AMBRA1: variants seen among roughly 807,000 people sequenced by gnomAD.
AMBRA1 encodes the protein activating molecule in BECN1-regulated autophagy protein 1.
AMBRA1 carries 47 observed loss-of-function variants against 125.4 expected under a neutral mutation model. The observed-to-expected ratio is 0.37, with a 90% CI of 0.30 to 0.48. The LOEUF (loss-of-function observed/expected upper bound fraction) is 0.48. AMBRA1 is among the 20% of genes least tolerant of loss of function. The pLI, the probability that AMBRA1 is intolerant of heterozygous loss-of-function variation, is 0.99. For synonymous variants in AMBRA1, 626 were observed against 655.5 expected (o/e 0.95, Z 0.69); for missense variants, 1,331 against 1,693.4 (o/e 0.79, Z 3.76).
At chr11:46,440,971 A>G (rs1485309104) in intron 12 of AMBRA1, among the ~76,000 whole-genome samples, 3 of 152,206 alleles carry the variant, frequency 2.0e-5, no homozygotes, top group African/African-American at 7.2e-5. Flanking sequence ...TTCATAAACC[A>G]AAATCAACAC....
intron 7 of AMBRA1, among the ~76,000 whole-genome samples, chr11:46,529,242 G>T (rs2135123192): frequency 6.6e-6 from 1 of 152,312 alleles, no homozygotes; most frequent in Non-Finnish European, 1.5e-5. Flanking sequence ...GCATAATCTG[G>T]CGTAATGGAG....
intron 1 of AMBRA1, among the ~76,000 whole-genome samples, chr11:46,569,570 A>G (rs888154289): frequency 2.0e-5 from 3 of 151,870 alleles, no homozygotes; most frequent in Non-Finnish European, 2.9e-5. Flanking sequence ...ATATTCAGTG[A>G]GAGTAGAGTC....
At chr11:46,550,524 T>A (rs1400365840) in intron 1 of AMBRA1, among the ~76,000 whole-genome samples, 1 of 152,222 alleles carries the variant, frequency 6.6e-6, no homozygotes, top group Non-Finnish European at 1.5e-5. Flanking sequence ...TTTTACTTAA[T>A]GGGTTAGCAT....
At chr11:46,468,483 C>T (rs193108892) in intron 11 of AMBRA1, among the ~76,000 whole-genome samples, 3 of 152,104 alleles carry the variant, frequency 2.0e-5, no homozygotes, top group African/African-American at 7.2e-5. Context: ...CTCCTAGTAG[C>T]ACAAGCATCA....
chr11:46,533,070 C>T (rs780418999), intron 7 of AMBRA1, among the ~76,000 whole-genome samples: 2 of 151,520 alleles, frequency 1.3e-5, no homozygotes, highest in African/African-American at 2.4e-5. Context: ...GGCTGAGGCA[C>T]GAGAATCGCT....
chr11:46,453,964 A>T (rs1402381131), intron 11 of AMBRA1, among the ~76,000 whole-genome samples: 2 of 152,228 alleles, frequency 1.3e-5, no homozygotes, highest in African/African-American at 2.4e-5. Context: ...AGGCCCCCAA[A>T]TAAACATAAT....
intron 15 of AMBRA1, among the ~76,000 whole-genome samples, chr11:46,412,714 A>G (rs1946353194): frequency 6.6e-6 from 1 of 152,150 alleles, no homozygotes; most frequent in Non-Finnish European, 1.5e-5. Flanking sequence ...CCTCTTCTAA[A>G]CAGCCATTTT....
chr11:46,559,187 C>A (rs2043251580), intron 1 of AMBRA1, among the ~76,000 whole-genome samples: 1 of 151,976 alleles, frequency 6.6e-6, no homozygotes. Context: ...GTAATCCCAG[C>A]TACTCGGGAG....
At chr11:46,487,811 A>G (rs545204044) in intron 11 of AMBRA1, among the ~76,000 whole-genome samples, 165 of 152,300 alleles carry the variant, frequency 1.1e-3, no homozygotes, top group African/African-American at 3.6e-3. Context: ...CAAAAACCCA[A>G]CTATATCAAT....
At chr11:46,491,149 A>G (rs902535181) in intron 11 of AMBRA1, 1 of 152,252 alleles carries the variant, frequency 6.6e-6, no homozygotes, top group Non-Finnish European at 1.5e-5. Context: ...TTTAAATAGA[A>G]TAATTAAAAC....
intron 14 of AMBRA1, among the ~76,000 whole-genome samples, chr11:46,430,683 C>T (rs996341162): frequency 5.3e-5 from 8 of 152,152 alleles, no homozygotes; most frequent in Non-Finnish European, 1.2e-4. Context: ...TAAAATAAAT[C>T]AATGCTCTGG....
At chr11:46,425,788 G>A (rs573592069) in intron 14 of AMBRA1, among the ~76,000 whole-genome samples, 6 of 151,318 alleles carry the variant, frequency 4.0e-5, no homozygotes, top group East Asian at 2.0e-4. Flanking sequence ...GCAGTGAGCC[G>A]AGATCGTGCC....
chr11:46,498,037 G>A (rs1367350144), intron 9 of AMBRA1, among the ~76,000 whole-genome samples: 1 of 152,150 alleles, frequency 6.6e-6, no homozygotes, highest in Non-Finnish European at 1.5e-5. Flanking sequence ...TCACTTCCGT[G>A]CTGATACAAG....
chr11:46,473,710 G>A lies in AMBRA1; in HGVS notation c.2521+19898C>T, dbSNP rs891156753. On this transcript the variant is annotated intron_variant, in intron 11 of 17. Transcript: ENST00000683756. ...ACTGTCGCCCAGGCTGAGTGCAGTG[G>A]TGTGATCTCAGCTCACTGCAAGCTC... 2.1e-4 allele frequency among the ~76,000 whole-genome samples: 32 copies of A among 152,246 alleles called. 1 individual carries two copies. Among genetic ancestry groups the A allele is most frequent in the Admixed American group, 1.9e-3 (29 of 15,288 alleles).
chr11:46,565,225 T>TC (rs1383307142), intron 1 of AMBRA1, among the ~76,000 whole-genome samples: 2 of 151,342 alleles, frequency 1.3e-5, no homozygotes, highest in African/African-American at 4.9e-5. Flanking sequence ...GCCATTGCAC[T>TC]CCAAGCCTGG....
intron 1 of AMBRA1, among the ~76,000 whole-genome samples, chr11:46,576,096 C>G (rs975955908): frequency 1.2e-4 from 18 of 152,016 alleles, no homozygotes; most frequent in African/African-American, 4.3e-4. Flanking sequence ...CAGGAAGAAT[C>G]ATAACAGTAG....
intron 14 of AMBRA1, among the ~76,000 whole-genome samples, chr11:46,430,670 T>C (rs1005897384): frequency 2.0e-5 from 3 of 152,200 alleles, no homozygotes; most frequent in Non-Finnish European, 2.9e-5. Context: ...CTTAGTGCCA[T>C]CTTAAAATAA....
At chr11:46,589,418 G>A (rs1056704113) in intron 1 of AMBRA1, among the ~76,000 whole-genome samples, 10 of 152,154 alleles carry the variant, frequency 6.6e-5, no homozygotes, top group Non-Finnish European at 1.2e-4. Context: ...ATTGGAGAAT[G>A]AAACAAGAAT....
chr11:46,431,090 G>C (rs1947436118), intron 14 of AMBRA1, among the ~76,000 whole-genome samples: 1 of 152,174 alleles, frequency 6.6e-6, no homozygotes, highest in South Asian at 2.1e-4. Context: ...ACCAAGACCT[G>C]GAAAACCAGA....
Sources: gnomAD v4.1 joint callset for allele counts (sites outside exome capture counted in the v4.1 genomes callset) on GRCh38, gnomAD v4.1.1 for gene constraint, MANE v1.5 for transcripts, NCBI Gene and HGNC (gene_info 2026-07-23, HGNC 2026-07-21) for gene names.